Variants in CLVS1 observed in about 807,000 individuals in gnomAD.
CLVS1 encodes the protein clavesin 1, also known as clavesin-1.
A neutral mutation model predicts 33.1 loss-of-function variants in CLVS1; 10 were observed. The observed-to-expected ratio is 0.30, with a 90% CI of 0.19 to 0.51. The LOEUF (loss-of-function observed/expected upper bound fraction) is 0.51. Among genes scored for constraint, CLVS1 ranks in the 20% least tolerant of loss-of-function variants. CLVS1 has a pLI of 0.97. For missense variants in CLVS1, 343 were observed against 433.4 expected (o/e 0.79, Z 1.85); for synonymous variants, 163 against 166.1 (o/e 0.98, Z 0.14).
intron 2 of CLVS1, among the ~76,000 whole-genome samples, chr8:61,314,105 G>C (rs529675248): frequency 5.9e-5 from 9 of 152,328 alleles, no homozygotes; most frequent in African/African-American, 2.2e-4. Context: ...CGACGTTACA[G>C]AAATCTCCAC....
At chr8:61,467,453 G>A (rs901998489) in intron 5 of CLVS1, among the ~76,000 whole-genome samples, 1 of 152,234 alleles carries the variant, frequency 6.6e-6, no homozygotes. Context: ...ACTCTGAAAA[G>A]CCAGGCTTTG....
intron 3 of CLVS1, among the ~76,000 whole-genome samples, chr8:61,421,568 A>T (rs1815667324): frequency 6.6e-6 from 1 of 152,192 alleles, no homozygotes; most frequent in African/African-American, 2.4e-5. Flanking sequence ...GCACTGTGAA[A>T]GGGACTAAAT....
intron 1 of CLVS1, among the ~76,000 whole-genome samples, chr8:61,128,756 C>T (rs985658258): frequency 6.6e-6 from 1 of 152,180 alleles, no homozygotes; most frequent in African/African-American, 2.4e-5. Flanking sequence ...CATTCTCAGC[C>T]CTGCCCCCTG....
chr8:61,406,128 T>C (rs1465912326), intron 3 of CLVS1, among the ~76,000 whole-genome samples: 1 of 152,218 alleles, frequency 6.6e-6, no homozygotes, highest in East Asian at 1.9e-4. Context: ...GCATTAAAGC[T>C]CCTAACTATG....
intron 2 of CLVS1, among the ~76,000 whole-genome samples, chr8:61,327,136 G>C (rs922088204): frequency 6.6e-6 from 1 of 152,112 alleles, no homozygotes; most frequent in Non-Finnish European, 1.5e-5. Flanking sequence ...CAGCATGAGA[G>C]AATTAAAAGT....
At chr8:61,095,525 G>C (rs573923633) in intron 1 of CLVS1, among the ~76,000 whole-genome samples, 44 of 152,298 alleles carry the variant, frequency 2.9e-4, no homozygotes, top group Non-Finnish European at 4.7e-4. Context: ...GAGCGGGAAG[G>C]GTGCCTGCAG....
chr8:61,029,768 G>C, the CLVS1 span, among the ~76,000 whole-genome samples: 1 of 152,104 alleles, frequency 6.6e-6, no homozygotes, highest in South Asian at 2.1e-4. Flanking sequence ...AATTTCAATT[G>C]TGTTAAGTCA....
At chr8:61,479,510 T>C (rs35422230) in intron 5 of CLVS1, among the ~76,000 whole-genome samples, 81,786 of 151,964 alleles carry the variant, frequency 0.54, 26,168 homozygotes, top group Non-Finnish European at 0.71. Flanking sequence ...GGTTTTTAAC[T>C]TCTTTGCCAT....
intron 2 of CLVS1, among the ~76,000 whole-genome samples, chr8:61,339,327 C>G (rs55794970): frequency 0.2 from 30,014 of 152,008 alleles, 3,726 homozygotes; most frequent in East Asian, 0.35. Flanking sequence ...ATGGACAGAG[C>G]CTCAAGGCAG....
chr8:61,084,595 C>G (rs1044189867), intron 1 of CLVS1, among the ~76,000 whole-genome samples: 2 of 152,166 alleles, frequency 1.3e-5, no homozygotes, highest in African/African-American at 4.8e-5. Context: ...GGTTGGGAAA[C>G]TCTGAGATGG....
chr8:61,249,338 G>A (rs1808885778), intron 2 of CLVS1, among the ~76,000 whole-genome samples: 1 of 152,164 alleles, frequency 6.6e-6, no homozygotes, highest in South Asian at 2.1e-4. Flanking sequence ...CATTTGGGTT[G>A]GTTCCAAGTC....
chr8:61,421,375 T>C (rs1815657798), intron 3 of CLVS1, among the ~76,000 whole-genome samples: 1 of 152,092 alleles, frequency 6.6e-6, no homozygotes, highest in Non-Finnish European at 1.5e-5. Flanking sequence ...AACGATACAC[T>C]AGAGCTATAA....
intron 2 of CLVS1, among the ~76,000 whole-genome samples, chr8:61,356,192 T>G (rs1416189737): frequency 3.3e-5 from 5 of 152,046 alleles, no homozygotes; most frequent in African/African-American, 1.2e-4. Context: ...TCATGTGTTT[T>G]TTGGCTGCAT....
chr8:61,457,302 T>C (rs76991261), intron 4 of CLVS1, among the ~76,000 whole-genome samples: 1 of 152,132 alleles, frequency 6.6e-6, no homozygotes, highest in South Asian at 2.1e-4. Flanking sequence ...TACCTGATGA[T>C]CCTATACTTG....
At chr8:61,452,813 G>A (rs142284721) in intron 3 of CLVS1, among the ~76,000 whole-genome samples, 30 of 152,308 alleles carry the variant, frequency 2.0e-4, no homozygotes, top group African/African-American at 5.8e-4. Flanking sequence ...ACTCTAAAAT[G>A]TCTAGGTAGA....
chr8:61,488,666 T>A (rs1803961556), intron 5 of CLVS1, among the ~76,000 whole-genome samples: 1 of 152,232 alleles, frequency 6.6e-6, no homozygotes, highest in Non-Finnish European at 1.5e-5. Flanking sequence ...GTATCTTTTA[T>A]CTTTCATGGC....
At chr8:61,105,934 C>A (rs1489750411) in intron 1 of CLVS1, among the ~76,000 whole-genome samples, 5 of 152,142 alleles carry the variant, frequency 3.3e-5, no homozygotes, top group Non-Finnish European at 7.4e-5. Context: ...GCCCGCCCTG[C>A]GTCTGTCTGC....
chr8:61,183,427 T>C (rs957091115), intron 2 of CLVS1, among the ~76,000 whole-genome samples: 6 of 152,212 alleles, frequency 3.9e-5, no homozygotes, highest in South Asian at 2.1e-4. Context: ...TCAGATGACA[T>C]TGTAAATTTG....
intron 2 of CLVS1, among the ~76,000 whole-genome samples, chr8:61,361,754 G>C (rs1257476299): frequency 6.6e-6 from 1 of 152,094 alleles, no homozygotes; most frequent in African/African-American, 2.4e-5. Flanking sequence ...GATCACTCAT[G>C]TTTGGAATAT....
Sources: allele counts gnomAD v4.1 joint callset (sites outside exome capture counted in the v4.1 genomes callset), GRCh38; gene constraint gnomAD v4.1.1; transcripts MANE v1.5; gene names NCBI Gene and HGNC (gene_info 2026-07-23, HGNC 2026-07-21).